GRIN2A: variants seen among roughly 807,000 people sequenced by gnomAD.
GRIN2A encodes the protein glutamate receptor ionotropic, NMDA 2A.
GRIN2A carries 22 observed loss-of-function variants against 113.4 expected under a neutral mutation model. The ratio of observed to expected loss-of-function variants is 0.19; its 90% confidence interval spans 0.14 to 0.28. The LOEUF is 0.28. Among genes scored for constraint, GRIN2A ranks in the 10% least tolerant of loss-of-function variants. GRIN2A has a pLI of 1.00. For synonymous variants in GRIN2A, 827 were observed against 738.4 expected, an observed-to-expected ratio of 1.12 and a Z score of -1.94; for missense variants, 1,502 against 1,887.0, an observed-to-expected ratio of 0.80 and a Z score of 3.78.
chr16:9,910,455 T>C, intron 3 of GRIN2A, among the ~76,000 whole-genome samples: 1 of 151,074 alleles, frequency 6.6e-6, no homozygotes, highest in Non-Finnish European at 1.5e-5. Context: ...AATTCAAGGA[T>C]ACAATAAGTA....
At chr16:9,926,495 C>A (rs2044467477) in intron 3 of GRIN2A, among the ~76,000 whole-genome samples, 1 of 152,210 alleles carries the variant, frequency 6.6e-6, no homozygotes, top group Non-Finnish European at 1.5e-5. Context: ...CTATGTTGTA[C>A]ACACTTCCAG....
rs1208546853 is a variant in GRIN2A at position 10,027,054 on chromosome 16, A to G, written c.415-88503T>C. Among the ~76,000 whole-genome samples, 4 of 152,160 alleles carry G rather than the reference A, an allele frequency of 2.6e-5. No individual in the cohort carries two copies. The East Asian group carries it at 7.7e-4, about 29-fold the overall frequency. On this transcript the variant is annotated intron_variant, in intron 2 of 12. Coordinates refer to ENST00000330684, the MANE Select transcript of GRIN2A (RefSeq NM_001134407.3). ...TGCCTAGTGCTTATTATCAGCTGAC[A>G]CATTAAATATTTGTTATGTTTCTGT... is the stretch of plus-strand genomic sequence containing the variant.
chr16:9,998,843 C>A (rs1387739290), intron 2 of GRIN2A, among the ~76,000 whole-genome samples: 4 of 152,186 alleles, frequency 2.6e-5, no homozygotes, highest in Admixed American at 2.6e-4. Context: ...CCTGCAAAAA[C>A]TTTTCAGGTC....
chr16:9,797,104 T>A (rs1188918245), intron 11 of GRIN2A, among the ~76,000 whole-genome samples: 1 of 152,258 alleles, frequency 6.6e-6, no homozygotes, highest in Non-Finnish European at 1.5e-5. Flanking sequence ...CCCTATGCAC[T>A]AGCTAACCTC....
chr16:9,866,058 C>T (rs1352679115), intron 4 of GRIN2A, among the ~76,000 whole-genome samples: 2 of 152,140 alleles, frequency 1.3e-5, no homozygotes. Flanking sequence ...ACTAGCCAGC[C>T]CTTTACATAA....
At chr16:10,154,461 T>C (rs2049647953) in intron 2 of GRIN2A, among the ~76,000 whole-genome samples, 3 of 152,154 alleles carry the variant, frequency 2.0e-5, no homozygotes, top group African/African-American at 7.2e-5. Context: ...ATTTACCGTG[T>C]TTATATTTTG....
intron 3 of GRIN2A, among the ~76,000 whole-genome samples, chr16:9,896,072 CAG>C (rs2043799558): frequency 6.7e-6 from 1 of 149,894 alleles, no homozygotes; most frequent in African/African-American, 2.5e-5. Flanking sequence ...TTTTTGGAAA[CAG>C]GGTCTCACTC....
chr16:10,080,910 C>T (rs1197000018), intron 2 of GRIN2A, among the ~76,000 whole-genome samples: 1 of 152,110 alleles, frequency 6.6e-6, no homozygotes, highest in Non-Finnish European at 1.5e-5. Context: ...TCCTTCATTC[C>T]CGTCTCAAAT....
At chr16:10,114,638 A>G (rs2048693174) in intron 2 of GRIN2A, among the ~76,000 whole-genome samples, 1 of 152,222 alleles carries the variant, frequency 6.6e-6, no homozygotes, top group African/African-American at 2.4e-5. Context: ...CCAAAATAAG[A>G]GTGACTTCTT....
intron 2 of GRIN2A, among the ~76,000 whole-genome samples, chr16:10,076,064 A>T (rs2047866917): frequency 6.6e-6 from 1 of 152,130 alleles, no homozygotes; most frequent in African/African-American, 2.4e-5. Flanking sequence ...TGCTACCTGT[A>T]AAAAGCATGG....
At chr16:9,904,636 G>A (rs976458592) in intron 3 of GRIN2A, among the ~76,000 whole-genome samples, 5 of 152,146 alleles carry the variant, frequency 3.3e-5, no homozygotes, top group African/African-American at 1.2e-4. Context: ...GCCTCCCAAA[G>A]TGCTGGGATT....
At chr16:9,802,348 T>C (rs2141243322) in intron 10 of GRIN2A, among the ~76,000 whole-genome samples, 1 of 152,266 alleles carries the variant, frequency 6.6e-6, no homozygotes, top group African/African-American at 2.4e-5. Context: ...CATGGAATAC[T>C]ATGCAGCCAT....
chr16:9,975,806 C>G (rs2045763348), intron 2 of GRIN2A, among the ~76,000 whole-genome samples: 1 of 152,094 alleles, frequency 6.6e-6, no homozygotes, highest in Non-Finnish European at 1.5e-5. Context: ...CAGACAGATT[C>G]AAAGTAAATT....
chr16:9,802,257 C>A (rs1414677315), intron 10 of GRIN2A, among the ~76,000 whole-genome samples: 1 of 152,112 alleles, frequency 6.6e-6, no homozygotes, highest in Non-Finnish European at 1.5e-5. Context: ...CAGCACTATT[C>A]ACAATAGCAA....
chr16:9,982,360 T>C (rs2045906888), intron 2 of GRIN2A, among the ~76,000 whole-genome samples: 1 of 152,232 alleles, frequency 6.6e-6, no homozygotes, highest in African/African-American at 2.4e-5. Context: ...TTAGCAGGCA[T>C]TGACAATAAT....
At chr16:9,980,553 T>C (rs906969018) in intron 2 of GRIN2A, among the ~76,000 whole-genome samples, 8 of 152,090 alleles carry the variant, frequency 5.3e-5, no homozygotes, top group African/African-American at 1.2e-4. Flanking sequence ...TTTACTGCGG[T>C]ACTATTCACA....
intron 2 of GRIN2A, among the ~76,000 whole-genome samples, chr16:10,094,566 C>T (rs2048247990): frequency 6.6e-6 from 1 of 152,122 alleles, no homozygotes; most frequent in East Asian, 1.9e-4. Flanking sequence ...TCTCCTGCCT[C>T]AGCCTCCTGA....
intron 4 of GRIN2A, among the ~76,000 whole-genome samples, chr16:9,881,166 G>T (rs1032205490): frequency 6.6e-6 from 1 of 152,142 alleles, no homozygotes; most frequent in Admixed American, 6.5e-5. Flanking sequence ...CTAGGTAACA[G>T]GCACTGAACT....
chr16:10,074,281 T>C (rs775336294), intron 2 of GRIN2A, among the ~76,000 whole-genome samples: 2 of 152,222 alleles, frequency 1.3e-5, no homozygotes, highest in African/African-American at 2.4e-5. Context: ...ATTGTGAGAA[T>C]GTAAAATGGT....
Sources: allele counts gnomAD v4.1 joint callset (sites outside exome capture counted in the v4.1 genomes callset), GRCh38; gene constraint gnomAD v4.1.1; transcripts MANE v1.5; gene names NCBI Gene and HGNC (gene_info 2026-07-23, HGNC 2026-07-21).